The following FBXL7 variants were observed in gnomAD, a reference collection of about 807,000 sequenced individuals.
FBXL7 encodes the protein F-box and leucine rich repeat protein 7.
FBXL7 carries 12 observed loss-of-function variants against 38.3 expected under a neutral mutation model. That is an observed-to-expected ratio of 0.31 (90% CI 0.20 to 0.51). The LOEUF is 0.51. Among genes scored for constraint, FBXL7 ranks in the 20% least tolerant of loss-of-function variants. The pLI, the probability that FBXL7 is intolerant of heterozygous loss-of-function variation, is 0.98. For missense variants in FBXL7, 567 were observed against 676.4 expected (o/e 0.84, Z 1.79); for synonymous variants, 297 against 300.9 (o/e 0.99, Z 0.13).
chr5:15,917,201 A>G (rs1401660196), intron 2 of FBXL7, among the ~76,000 whole-genome samples: 1 of 152,182 alleles, frequency 6.6e-6, no homozygotes, highest in Non-Finnish European at 1.5e-5. Context: ...GATTTTTTCC[A>G]TATATGCTCA....
chr5:15,573,566 T>C (rs1180960213), intron 1 of FBXL7, among the ~76,000 whole-genome samples: 1 of 152,184 alleles, frequency 6.6e-6, no homozygotes, highest in East Asian at 1.9e-4. Context: ...TCACTCAGTT[T>C]TACAAAGGAA....
chr5:15,564,378 C>CTGTG (rs33993480), intron 1 of FBXL7, among the ~76,000 whole-genome samples: 5,758 of 147,444 alleles, frequency 0.039, 171 homozygotes, highest in African/African-American at 0.083. Context: ...TCAGTAATAT[C>CTGTG]TGTGTGTGTG....
At chr5:15,929,563 G>T (rs1237686362) in intron 3 of FBXL7, among the ~76,000 whole-genome samples, 1 of 150,288 alleles carries the variant, frequency 6.7e-6, no homozygotes. Flanking sequence ...GTTCGAAGCT[G>T]CAGTGAACTA....
At chr5:15,869,397 G>T (rs573022288) in intron 2 of FBXL7, among the ~76,000 whole-genome samples, 1 of 152,228 alleles carries the variant, frequency 6.6e-6, no homozygotes, top group Admixed American at 6.5e-5. Flanking sequence ...CTGCTTTAAT[G>T]TTGTTATCAG....
At chr5:15,915,842 AGAT>A (rs1196966402) in intron 2 of FBXL7, among the ~76,000 whole-genome samples, 1 of 152,158 alleles carries the variant, frequency 6.6e-6, no homozygotes, top group African/African-American at 2.4e-5. Flanking sequence ...AGGAGATGAG[AGAT>A]GATGAGCACT....
intron 1 of FBXL7, among the ~76,000 whole-genome samples, chr5:15,534,521 T>C (rs1351559101): frequency 6.6e-6 from 1 of 152,228 alleles, no homozygotes; most frequent in Admixed American, 6.5e-5. Flanking sequence ...ATTTGAATAA[T>C]ATTCCAATAT....
intron 2 of FBXL7, among the ~76,000 whole-genome samples, chr5:15,620,993 G>C (rs1005975373): frequency 6.6e-6 from 1 of 152,140 alleles, no homozygotes; most frequent in South Asian, 2.1e-4. Context: ...TGATCTTCCT[G>C]TCTATCCAGT....
chr5:15,621,599 G>T (rs748096239), intron 2 of FBXL7, among the ~76,000 whole-genome samples: 7 of 152,148 alleles, frequency 4.6e-5, no homozygotes, highest in Non-Finnish European at 8.8e-5. Flanking sequence ...CTGAGCCTCA[G>T]CTTCTTTCAT....
At chr5:15,745,022 A>G (rs6865314) in intron 2 of FBXL7, among the ~76,000 whole-genome samples, 81,171 of 151,948 alleles carry the variant, frequency 0.53, 21,865 homozygotes, top group East Asian at 0.67. Flanking sequence ...GGAAACTACA[A>G]TTTAAGATGA....
chr5:15,828,720 A>T (rs1258168595), intron 2 of FBXL7, among the ~76,000 whole-genome samples: 1 of 152,202 alleles, frequency 6.6e-6, no homozygotes, highest in Non-Finnish European at 1.5e-5. Context: ...AAGGACTTTT[A>T]GGTTTAGTCT....
At chr5:15,664,712 C>T (rs1244415444) in intron 2 of FBXL7, among the ~76,000 whole-genome samples, 5 of 151,842 alleles carry the variant, frequency 3.3e-5, no homozygotes, top group South Asian at 2.1e-4. Flanking sequence ...CCTCATGATC[C>T]GCCCACCTCA....
chr5:15,896,323 A>G (rs1011216730), intron 2 of FBXL7, among the ~76,000 whole-genome samples: 8 of 152,212 alleles, frequency 5.3e-5, no homozygotes, highest in Non-Finnish European at 7.3e-5. Flanking sequence ...GTCAGAGGTT[A>G]GGTAGAGAGG....
intron 2 of FBXL7, among the ~76,000 whole-genome samples, chr5:15,915,392 C>A (rs1741558248): frequency 6.6e-6 from 1 of 152,106 alleles, no homozygotes; most frequent in Non-Finnish European, 1.5e-5. Flanking sequence ...TCCTGGAAGC[C>A]CCAGATGTTT....
intron 2 of FBXL7, among the ~76,000 whole-genome samples, chr5:15,647,135 G>A (rs1003257956): frequency 7.9e-5 from 12 of 152,210 alleles, no homozygotes; most frequent in African/African-American, 2.4e-4. Flanking sequence ...CAATGTATCT[G>A]TGTAACCTTA....
chr5:15,793,199 G>A (rs139585772), intron 2 of FBXL7, among the ~76,000 whole-genome samples: 270 of 152,294 alleles, frequency 1.8e-3, no homozygotes, highest in Non-Finnish European at 2.9e-3. Flanking sequence ...TCCTAGGGCC[G>A]CTGTACCAAA....
intron 2 of FBXL7, among the ~76,000 whole-genome samples, chr5:15,700,005 G>C (rs983800200): frequency 8.5e-5 from 13 of 152,300 alleles, no homozygotes; most frequent in Admixed American, 7.8e-4. Flanking sequence ...CTCAAGTTAT[G>C]CTTGCTTAAC....
chr5:15,564,279 G>T (rs1021389717), intron 1 of FBXL7, among the ~76,000 whole-genome samples: 3 of 151,758 alleles, frequency 2.0e-5, no homozygotes, highest in Non-Finnish European at 4.4e-5. Flanking sequence ...TATGATTTTT[G>T]CCATTTTAGT....
chr5:15,664,938 G>C (rs1307578154), intron 2 of FBXL7, among the ~76,000 whole-genome samples: 2 of 151,596 alleles, frequency 1.3e-5, no homozygotes, highest in Non-Finnish European at 1.5e-5. Context: ...TGTTTTCACA[G>C]GTATAGGATT....
chr5:15,690,774 T>A (rs1743156925), intron 2 of FBXL7, among the ~76,000 whole-genome samples: 1 of 152,178 alleles, frequency 6.6e-6, no homozygotes, highest in Admixed American at 6.5e-5. Context: ...GAATGATGGT[T>A]ACCAGAGGCT....
Sources: gnomAD v4.1 joint callset for allele counts (sites outside exome capture counted in the v4.1 genomes callset) on GRCh38, gnomAD v4.1.1 for gene constraint, MANE v1.5 for transcripts, NCBI Gene and HGNC (gene_info 2026-07-23, HGNC 2026-07-21) for gene names.